Variants in EPB41L3 observed in about 807,000 individuals in gnomAD.
EPB41L3 encodes the protein band 4.1-like protein 3.
Under a neutral mutation model 127.1 loss-of-function variants are expected in EPB41L3, and 57 were observed. That is an observed-to-expected ratio of 0.45 (90% CI 0.36 to 0.56). The LOEUF (loss-of-function observed/expected upper bound fraction) is 0.56. EPB41L3 is among the 20% of genes least tolerant of loss of function. The probability of loss-of-function intolerance (pLI) is 0.00; values close to 1 mark genes in which losing one functional copy is unlikely to be tolerated. For missense variants in EPB41L3, 1,273 were observed against 1,372.2 expected (o/e 0.93, Z 1.14); for synonymous variants, 572 against 549.5 (o/e 1.04, Z -0.57).
At chr18:5,428,498 T>C in intron 8 of EPB41L3, 33 bp from the exon 9 acceptor site, 1 of 1,607,694 alleles carries the variant, frequency 6.2e-7, no homozygotes, top group Non-Finnish European at 8.5e-7. Flanking sequence ...AACAGATCAG[T>C]ATCTAACTTA....
chr18:5,630,510 G>A (rs376618889), upstream of EPB41L3: 51 of 518,146 alleles, frequency 9.8e-5, no homozygotes, highest in Admixed American at 1.9e-4. Context: ...CTCCGCAGGG[G>A]CTCTTTCCTT....
At chr18:5,528,584 C>T (rs932290216) in intron 1 of EPB41L3, among the ~76,000 whole-genome samples, 1 of 152,112 alleles carries the variant, frequency 6.6e-6, no homozygotes, top group African/African-American at 2.4e-5. Flanking sequence ...CCCATTCCTG[C>T]ATCCACTAGC....
chr18:5,427,248 TATATCATATCAGAAA>T (rs1486656391), intron 9 of EPB41L3, among the ~76,000 whole-genome samples: 1 of 152,222 alleles, frequency 6.6e-6, no homozygotes. Context: ...GAGATAATTC[TATATCATATCAGAAA>T]ATGTTCAGAG....
At chr18:5,473,337 A>C (rs2086522207) in intron 3 of EPB41L3, among the ~76,000 whole-genome samples, 1 of 151,510 alleles carries the variant, frequency 6.6e-6, no homozygotes, top group Non-Finnish European at 1.5e-5. Context: ...AACACCTACC[A>C]CTCTTAGAGT....
chr18:5,516,106 C>G (rs2092739997), intron 1 of EPB41L3, among the ~76,000 whole-genome samples: 1 of 152,186 alleles, frequency 6.6e-6, no homozygotes, highest in Non-Finnish European at 1.5e-5. Context: ...AGCCCAGGTG[C>G]CGCAGATGCC....
At chr18:5,502,905 G>A (rs983986934) in intron 1 of EPB41L3, among the ~76,000 whole-genome samples, 1 of 152,192 alleles carries the variant, frequency 6.6e-6, no homozygotes, top group Non-Finnish European at 1.5e-5. Context: ...CCAGACAGCT[G>A]GAGAGGGTAA....
intron 3 of EPB41L3, among the ~76,000 whole-genome samples, chr18:5,602,411 G>C (rs1231633938): frequency 6.6e-6 from 1 of 152,096 alleles, no homozygotes; most frequent in Non-Finnish European, 1.5e-5. Flanking sequence ...GGATCAATAG[G>C]GACTCCACAG....
chr18:5,522,406 G>A (rs1472400765), intron 1 of EPB41L3, among the ~76,000 whole-genome samples: 1 of 152,118 alleles, frequency 6.6e-6, no homozygotes, highest in Non-Finnish European at 1.5e-5. Context: ...TTACAGATGT[G>A]AGCCGCTAAG....
At position 5,474,032 on chromosome 18, in the gene EPB41L3, C is replaced by T. The variant is rs556969068; in HGVS notation, c.381+4209G>A. ...GGATCACGAGGTCAGGAGATCGAGA[C>T]CATCTTGGCTAACGTGGTGAAACCC... On this transcript the variant is annotated intron_variant, in intron 3 of 22. Transcript: ENST00000341928. 2.2e-3 allele frequency among the ~76,000 whole-genome samples: 342 copies of T among 152,070 alleles called. 2 individuals are homozygous for T. The highest frequency in any genetic ancestry group is 7.6e-3 in the African/African-American group (317 of 41,486).
intron 3 of EPB41L3, among the ~76,000 whole-genome samples, chr18:5,611,186 T>C (rs1160504303): frequency 6.6e-6 from 1 of 152,192 alleles, no homozygotes; most frequent in Non-Finnish European, 1.5e-5. Context: ...CAAAGAAATA[T>C]TTGCATGCAC....
At chr18:5,422,301 T>C (rs981926045) in intron 11 of EPB41L3, among the ~76,000 whole-genome samples, 1 of 152,128 alleles carries the variant, frequency 6.6e-6, no homozygotes, top group African/African-American at 2.4e-5. Flanking sequence ...TCATAAAGTA[T>C]TCCATTAGAA....
rs189529858 is a variant in EPB41L3, at chr18:5,433,854, C to A, written c.824+49G>T. ...GGGAAGAGGTGGGTTGTGTGCGGGA[C>A]ACTCTCCCATCAAGGCACAACTTAA... On this transcript the variant is annotated intron_variant, in intron 7 of 22. Coordinates refer to ENST00000341928, the MANE Select transcript of EPB41L3 (RefSeq NM_012307.5). The A allele has an allele frequency of 1.3e-5, 21 of 1,586,496 alleles. No individual in the cohort carries two copies. The East Asian group carries it at 4.5e-4, about 34-fold the overall frequency.
intron 8 of EPB41L3, among the ~76,000 whole-genome samples, chr18:5,433,074 C>A (rs1053770521): frequency 6.6e-6 from 1 of 152,070 alleles, no homozygotes; most frequent in Admixed American, 6.6e-5. Flanking sequence ...TCAGGGAAAG[C>A]GTAGAAACAG....
At chr18:5,467,246 T>C (rs921590241) in intron 3 of EPB41L3, among the ~76,000 whole-genome samples, 1 of 152,254 alleles carries the variant, frequency 6.6e-6, no homozygotes, top group Non-Finnish European at 1.5e-5. Context: ...TCACTCAAAA[T>C]GCATTGCTTC....
intron 3 of EPB41L3, among the ~76,000 whole-genome samples, chr18:5,609,752 G>A (rs2094704414): frequency 6.6e-6 from 1 of 151,902 alleles, no homozygotes; most frequent in Non-Finnish European, 1.5e-5. Flanking sequence ...AAGATAAGAG[G>A]TGTGTGATTT....
rs2094487514 is a variant in EPB41L3 at position 5,591,644 on chromosome 18, A to G, written c.-306+20696T>C. The stretch of plus-strand genomic sequence containing the variant: ...GGAAGAAAAGTGGAAGAAATATTAG[A>G]ATATAAAATTTCAAAGAGCACAGCA... On this transcript the variant is annotated intron_variant, in intron 3 of 21. Coordinates refer to the EPB41L3 transcript ENST00000545076. Among the ~76,000 whole-genome samples, 3 of 152,220 alleles carry G rather than the reference A, an allele frequency of 2.0e-5. No individual in the cohort carries two copies. The South Asian group carries it at 6.2e-4, about 31-fold the overall frequency.
At chr18:5,506,339 C>T (rs928985402) in intron 1 of EPB41L3, among the ~76,000 whole-genome samples, 20 of 152,286 alleles carry the variant, frequency 1.3e-4, no homozygotes, top group Admixed American at 3.9e-4. Flanking sequence ...GCTACTCCAA[C>T]GCCCTCATCA....
rs1442528461 is a variant in EPB41L3, at chr18:5,489,119, GCCTCCTGGGGCTCGGCCT to G, written c.47_64del (p.Glu16_Glu21del). The G allele has an allele frequency of 6.3e-7, 1 of 1,593,812 alleles. No individual in the cohort carries two copies. Among genetic ancestry groups the G allele is most frequent in the Non-Finnish European group, 8.5e-7 (1 of 1,174,586 alleles). On this transcript the variant is annotated inframe_deletion, in exon 2 of 23. Coordinates refer to ENST00000341928, the MANE Select transcript of EPB41L3 (RefSeq NM_012307.5). ...CCCCGCGCGCCCCTGCGCCCCCGCC[GCCTCCTGGGGCTCGGCCT>G]CCTGGTCCGGCTTGGATTCCGAGTC...
intron 3 of EPB41L3, among the ~76,000 whole-genome samples, chr18:5,471,034 G>C (rs535559940): frequency 6.6e-6 from 1 of 152,138 alleles, no homozygotes; most frequent in African/African-American, 2.4e-5. Flanking sequence ...GAGTAGAAAG[G>C]GTAGCATCCT....
Sources: allele counts gnomAD v4.1 joint callset (sites outside exome capture counted in the v4.1 genomes callset), GRCh38; gene constraint gnomAD v4.1.1; transcripts MANE v1.5; gene names NCBI Gene and HGNC (gene_info 2026-07-23, HGNC 2026-07-21).